The following PSMB3 variants were observed in gnomAD, a reference collection of about 807,000 sequenced individuals.
PSMB3 encodes proteasome subunit beta type-3.
In PSMB3, 5 loss-of-function variants were observed where a neutral mutation model predicts 23.3. That is an observed-to-expected ratio of 0.21 (90% CI 0.11 to 0.45). The LOEUF is 0.45. Among genes scored for constraint, PSMB3 ranks in the 20% least tolerant of loss-of-function variants. The pLI, the probability that PSMB3 is intolerant of heterozygous loss-of-function variation, is 0.99. For missense variants in PSMB3, 192 were observed against 277.9 expected, an observed-to-expected ratio of 0.69 and a Z score of 2.20; for synonymous variants, 85 against 99.8, an observed-to-expected ratio of 0.85 and a Z score of 0.88.
intron 2 of PSMB3, 26 bp downstream of exon 2, chr17:38,753,360 A>G: frequency 6.2e-7 from 1 of 1,603,606 alleles, no homozygotes; most frequent in Non-Finnish European, 8.5e-7. Flanking sequence ...CCCCGCCCAC[A>G]CCCAGGCCTC....
chr17:38,759,136 A>G (rs780467509), intron 3 of PSMB3, among the ~76,000 whole-genome samples: 13 of 152,240 alleles, frequency 8.5e-5, no homozygotes, highest in Non-Finnish European at 1.8e-4. Context: ...GATATTGGCC[A>G]TTTGTTATTT....
intron 4 of PSMB3, 50 bp from the exon 5 acceptor site, chr17:38,762,361 C>T (rs1040290556): frequency 9.8e-6 from 15 of 1,528,834 alleles, no homozygotes; most frequent in Non-Finnish European, 1.4e-5. Context: ...GGGACCAGAC[C>T]AAATCAGAGC....
At chr17:38,755,202 C>G (rs1723724628) in intron 2 of PSMB3, 1 of 152,168 alleles carries the variant, frequency 6.6e-6, no homozygotes, top group Non-Finnish European at 1.5e-5. Flanking sequence ...AACTCCTGAG[C>G]TCAAGCAATC....
Position 38,752,977 on chromosome 17 carries a change from G to T in PSMB3, c.3+148G>T. 1 of 1,336,182 alleles carries T rather than the reference G, an allele frequency of 7.5e-7. No individual in the cohort carries two copies. The highest frequency in any genetic ancestry group is 1.0e-6 in the Non-Finnish European group (1 of 967,392). 82.8% of individuals were successfully genotyped at this position (1,336,182 alleles called of 1,614,324 possible). ...AGCGGGCCCCGGTGAGGACCAAGAGGGTGAGTGCGGCTCATTGCCGCCACA... is the reference window on the plus strand; with the variant it reads ...AGCGGGCCCCGGTGAGGACCAAGAGTGTGAGTGCGGCTCATTGCCGCCACA... On this transcript the variant is annotated intron_variant, in intron 1 of 5. Coordinates refer to ENST00000619426, the MANE Select transcript of PSMB3 (RefSeq NM_002795.4). This position sits in a 1 kb window ranked among gnomAD's most constrained non-coding sequence, Gnocchi z 5.5.
chr17:38,761,048 CT>C (rs1908411997), intron 4 of PSMB3, among the ~76,000 whole-genome samples: 1 of 152,032 alleles, frequency 6.6e-6, no homozygotes. Flanking sequence ...AAAAGTCTGC[CT>C]TAGAAGTGGT....
intron 3 of PSMB3, among the ~76,000 whole-genome samples, chr17:38,760,095 A>G (rs1439995862): frequency 2.0e-5 from 3 of 152,262 alleles, no homozygotes; most frequent in African/African-American, 7.2e-5. Context: ...AGGTATAAAC[A>G]TACACATAGA....
chr17:38,760,817 A>C (rs1259172215), intron 4 of PSMB3, among the ~76,000 whole-genome samples: 1 of 152,228 alleles, frequency 6.6e-6, no homozygotes, highest in Non-Finnish European at 1.5e-5. Context: ...TTAGGAGACC[A>C]CAGTTAGATA....
At chr17:38,755,784 C>A in intron 2 of PSMB3, 99 bp from the exon 3 acceptor site, 1 of 1,006,048 alleles carries the variant, frequency 9.9e-7, no homozygotes. Flanking sequence ...TGGGCAGGGA[C>A]TGAGATGAGA....
chr17:38,762,096 A>C (rs1049169111), intron 4 of PSMB3: 1 of 315,458 alleles, frequency 3.2e-6, no homozygotes, highest in Non-Finnish European at 5.9e-6. Flanking sequence ...CTGGAGCTAA[A>C]TAGGGATTCT....
chr17:38,764,131 A>G lies in PSMB3; in HGVS notation c.582A>G (p.Lys194=), dbSNP rs761615322. 5.0e-6 allele frequency: 8 copies of G among 1,614,208 alleles called. No homozygotes were observed. The highest frequency in any genetic ancestry group is 6.8e-6 in the Non-Finnish European group (8 of 1,180,028). The change falls in exon 6 of 6, where the codon AAA becomes AAG. Residue 194 remains lysine (K), a synonymous_variant. Transcript: ENST00000619426. ...GVIVHIIEKD[K]ITTRTLKARM... ...TCTCCCTCTGCAGCGAGAAGGACAA[A>G]ATCACCACCAGGACACTGAAGGCCC...
chr17:38,753,859 T>C (rs1486928293), intron 2 of PSMB3, among the ~76,000 whole-genome samples: 1 of 152,208 alleles, frequency 6.6e-6, no homozygotes, highest in Non-Finnish European at 1.5e-5. Flanking sequence ...GGTTTTGTTA[T>C]TACATCTCAG....
In PSMB3 at chr17:38,758,498, C is replaced by G. The variant is rs532835286; in HGVS notation, c.297-1933C>G. On this transcript the variant is annotated intron_variant, in intron 3 of 5. Coordinates refer to ENST00000619426, the MANE Select transcript of PSMB3 (RefSeq NM_002795.4). The stretch of plus-strand genomic sequence containing the variant: ...GGGACCATAGGTGCATGCCACCATG[C>G]CTGGCTAATTTTTAAATTTTTTTGT... Among the ~76,000 whole-genome samples, 323 of 152,164 alleles carry G rather than the reference C, an allele frequency of 2.1e-3. 1 individual carries two copies. Among genetic ancestry groups the G allele is most frequent in the African/African-American group, 7.6e-3 (316 of 41,526 alleles).
At chr17:38,756,767 A>G (rs1908215753) in intron 3 of PSMB3, among the ~76,000 whole-genome samples, 1 of 151,740 alleles carries the variant, frequency 6.6e-6, no homozygotes, top group Admixed American at 6.6e-5. Flanking sequence ...AAGTCCTATT[A>G]TAGGCATGAG....
At chr17:38,753,383 C>A in intron 2 of PSMB3, 49 bp downstream of exon 2, 1 of 1,567,666 alleles carries the variant, frequency 6.4e-7, no homozygotes, top group Non-Finnish European at 8.7e-7. Flanking sequence ...CTTGGACCAT[C>A]CAACCCCGGC....
chr17:38,760,875 G>A (rs562190142), intron 4 of PSMB3, among the ~76,000 whole-genome samples: 4 of 152,278 alleles, frequency 2.6e-5, no homozygotes, highest in Non-Finnish European at 4.4e-5. Context: ...CAGGGTTCTC[G>A]CATCCATTCA....
At chr17:38,756,433 G>C (rs940350773) in intron 3 of PSMB3, among the ~76,000 whole-genome samples, 1 of 152,214 alleles carries the variant, frequency 6.6e-6, no homozygotes, top group African/African-American at 2.4e-5. Context: ...GAATTGAAAG[G>C]AAACCCTGTG....
rs1006235057 is a variant in PSMB3 at position 38,755,573 on chromosome 17, T to A, written c.189-310T>A. On this transcript the variant is annotated intron_variant, in intron 2 of 5. Coordinates refer to ENST00000619426, the MANE Select transcript of PSMB3 (RefSeq NM_002795.4). ...GGCAGGAGAATAGCGTGAACCCGGG[T>A]GGCGGAGCTTGCAGTGAGCCGAGAC... 6.9e-5 allele frequency among the ~76,000 whole-genome samples: 10 copies of A among 144,516 alleles called. No homozygotes were observed. The East Asian group carries it at 1.5e-3, about 21-fold the overall frequency. 94.8% of individuals were successfully genotyped at this position (144,516 alleles called of 152,430 possible).
intron 2 of PSMB3, among the ~76,000 whole-genome samples, chr17:38,755,028 C>T (rs1908095218): frequency 6.8e-6 from 1 of 148,126 alleles, no homozygotes; most frequent in Admixed American, 6.8e-5. Context: ...GTCACCCAGG[C>T]TGGTGACATA....
chr17:38,755,161 A>C (rs1303418752), intron 2 of PSMB3: 1 of 152,128 alleles, frequency 6.6e-6, no homozygotes, highest in Non-Finnish European at 1.5e-5. Flanking sequence ...TTATTGTAAG[A>C]GGCAAGGTTT....
Sources: gnomAD v4.1 joint callset for allele counts (sites outside exome capture counted in the v4.1 genomes callset) on GRCh38, gnomAD v4.1.1 for gene constraint, Gnocchi (gnomAD v3.1) non-coding constraint, MANE v1.5 for transcripts, NCBI Gene and HGNC (gene_info 2026-07-23, HGNC 2026-07-21) for gene names.